NUDT5: variants seen among roughly 807,000 people sequenced by gnomAD.
The protein encoded by NUDT5 is ADP-sugar pyrophosphatase.
Under a neutral mutation model 34.1 loss-of-function variants are expected in NUDT5, and 21 were observed. The observed-to-expected ratio is 0.62, with a 90% confidence interval of 0.44 to 0.89. The LOEUF (loss-of-function observed/expected upper bound fraction) is 0.89. Among genes scored for constraint, NUDT5 ranks in the 40% least tolerant of loss-of-function variants. NUDT5 has a pLI of 0.00. For synonymous variants in NUDT5, 85 were observed against 97.6 expected (o/e 0.87, Z 0.76); for missense variants, 249 against 274.8 (o/e 0.91, Z 0.66).
At chr10:12,179,229 T>C in intron 3 of NUDT5, 97 bp from the exon 4 acceptor site, 4 of 904,488 alleles carry the variant, frequency 4.4e-6, no homozygotes, top group Non-Finnish European at 7.1e-6. Flanking sequence ...ATGCAATGCA[T>C]GCAAATGTAC....
chr10:12,192,042 T>C (rs781011776), intron 1 of NUDT5, among the ~76,000 whole-genome samples: 1 of 152,142 alleles, frequency 6.6e-6, no homozygotes, highest in East Asian at 1.9e-4. Flanking sequence ...TGATAAAAGA[T>C]GAATATTGTT....
Position 12,168,137 on chromosome 10 carries a change from G to A in NUDT5, c.551-326C>T, listed in dbSNP as rs1834753352. On this transcript the variant is annotated intron_variant, in intron 9 of 9. Transcript: ENST00000491614. The surrounding 1 kb of genome is among the most constrained non-coding windows in gnomAD (Gnocchi z 4.8). ...CCTCCTGGGTTTAAGCGATTCTCCT[G>A]CCTCAGCCTCCCCAGTAGCTGGGAC... 6.6e-6 allele frequency among the ~76,000 whole-genome samples: 1 copy of A among 151,586 alleles called. No individual in the cohort carries two copies. The highest frequency in any genetic ancestry group is 1.5e-5 in the Non-Finnish European group (1 of 67,964).
rs1834826588 is a variant in NUDT5, at chr10:12,170,220, C to T, written c.550+497G>A. The stretch of plus-strand genomic sequence containing the variant: ...CATGACCAGTGATTTCTAAGGGCCA[C>T]ACAGCTGGTTTGGTTTATTATGTGA... On this transcript the variant is annotated intron_variant, in intron 9 of 9. Transcript: ENST00000491614. This position sits in a 1 kb window ranked among gnomAD's most constrained non-coding sequence, Gnocchi z 4.9. 1 of 1,608,584 alleles carries T rather than the reference C, an allele frequency of 6.2e-7. No homozygotes were observed. The highest frequency in any genetic ancestry group is 8.5e-7 in the Non-Finnish European group (1 of 1,176,048).
intron 2 of NUDT5, 71 bp downstream of exon 2, chr10:12,186,158 A>T: frequency 8.8e-7 from 1 of 1,139,710 alleles, no homozygotes. Flanking sequence ...CATTGTAACA[A>T]CAGTCTATAT....
chr10:12,188,638 G>A (rs1835167394), intron 1 of NUDT5, among the ~76,000 whole-genome samples: 1 of 151,420 alleles, frequency 6.6e-6, no homozygotes, highest in South Asian at 2.1e-4. Flanking sequence ...GGCTGAGGGA[G>A]GAGAATGGCT....
chr10:12,195,028 G>GGC (rs1338263839), intron 1 of NUDT5, among the ~76,000 whole-genome samples: 2 of 152,066 alleles, frequency 1.3e-5, no homozygotes, highest in African/African-American at 2.4e-5. Context: ...CCGGCGTAGT[G>GGC]GCGCGCGCGC....
intron 6 of NUDT5, 112 bp from the exon 7 acceptor site, chr10:12,172,978 G>A (rs1026625005): frequency 2.5e-5 from 18 of 733,156 alleles, no homozygotes; most frequent in Non-Finnish European, 4.1e-5. Context: ...GGTGATGCGG[G>A]AAAACTAGTT....
At position 12,170,274 on chromosome 10, in the gene NUDT5, A is replaced by G. The variant is rs903059525; in HGVS notation, c.550+443T>C. 1.5e-6 allele frequency: 2 copies of G among 1,325,274 alleles called. No homozygotes were observed. The highest frequency in any genetic ancestry group is 2.9e-5 in the African/African-American group (2 of 69,280). The allele number at this position is 1,325,274 out of a possible 1,614,324, so 82.1% of individuals were successfully genotyped here. On this transcript the variant is annotated intron_variant, in intron 9 of 9. Coordinates refer to ENST00000491614, the MANE Select transcript of NUDT5 (RefSeq NM_014142.4). This position sits in a 1 kb window ranked among gnomAD's most constrained non-coding sequence, Gnocchi z 4.9. ...GCATATCACACGGAGTATACAGGAA[A>G]TACCTCAAGTATTTGTTGAAGGAGC...
At chr10:12,194,192 T>C (rs1229119456) in intron 1 of NUDT5, among the ~76,000 whole-genome samples, 1 of 152,248 alleles carries the variant, frequency 6.6e-6, no homozygotes, top group Non-Finnish European at 1.5e-5. Context: ...AAATGTTTCT[T>C]GGGCTGTTAA....
intron 9 of NUDT5, 143 bp from the exon 10 acceptor site, chr10:12,167,954 AG>A (rs1257812015): frequency 2.1e-6 from 3 of 1,397,268 alleles, no homozygotes; most frequent in Non-Finnish European, 2.8e-6. Flanking sequence ...TTGGTCTATA[AG>A]GATCTTAAAG....
chr10:12,186,741 C>T (rs1835137634), intron 1 of NUDT5, among the ~76,000 whole-genome samples: 1 of 151,636 alleles, frequency 6.6e-6, no homozygotes, highest in Admixed American at 6.6e-5. Flanking sequence ...GATCCTCGTG[C>T]CTCAGCCTCC....
At position 12,176,835 on chromosome 10, in the gene NUDT5, G is replaced by A. The variant is rs533352496; in HGVS notation, c.289+958C>T. Among the ~76,000 whole-genome samples, 308 of 152,114 alleles carry A rather than the reference G, an allele frequency of 2.0e-3. 1 individual carries two copies. Among genetic ancestry groups the A allele is most frequent in the Middle Eastern group, 6.8e-3 (2 of 294 alleles). On this transcript the variant is annotated intron_variant, in intron 5 of 9. Coordinates refer to ENST00000491614, the MANE Select transcript of NUDT5 (RefSeq NM_014142.4). ...CACATTTCTTGGAGTTAAGAGCCTGGCCTAGGCTGGGCGTGGTGGCTCACA... is the reference window on the plus strand; with the variant it reads ...CACATTTCTTGGAGTTAAGAGCCTGACCTAGGCTGGGCGTGGTGGCTCACA...
At chr10:12,177,269 C>T (rs1265088477) in intron 5 of NUDT5, among the ~76,000 whole-genome samples, 1 of 152,174 alleles carries the variant, frequency 6.6e-6, no homozygotes, top group African/African-American at 2.4e-5. Flanking sequence ...CCTGTAATCC[C>T]AGCACTTTGC....
At chr10:12,194,276 G>T (rs1835290811) in intron 1 of NUDT5, among the ~76,000 whole-genome samples, 1 of 152,214 alleles carries the variant, frequency 6.6e-6, no homozygotes, top group Admixed American at 6.5e-5. Context: ...ATCTTCATTA[G>T]AAAACATCTG....
In NUDT5 at chr10:12,169,431, C is replaced by A. The variant is rs895591381; in HGVS notation, c.550+1286G>T. 2.2e-5 allele frequency: 17 copies of A among 787,736 alleles called. No homozygotes were observed. The highest frequency in any genetic ancestry group is 3.2e-5 in the Non-Finnish European group (16 of 502,464). The allele number at this position is 787,736 out of a possible 1,614,324, so 48.8% of individuals were successfully genotyped here. On this transcript the variant is annotated intron_variant, in intron 9 of 9. Coordinates refer to ENST00000491614, the MANE Select transcript of NUDT5 (RefSeq NM_014142.4). This position sits in a 1 kb window ranked among gnomAD's most constrained non-coding sequence, Gnocchi z 4.8. Reference sequence around the variant, plus strand: ...ATTGTTCCTGTTTTATGAAAAAAGCCGAGAGAGGCTACAGAACCTGTTTGA... The same window carrying A: ...ATTGTTCCTGTTTTATGAAAAAAGCAGAGAGAGGCTACAGAACCTGTTTGA...
chr10:12,170,002 C>T lies in NUDT5; in HGVS notation c.550+715G>A, dbSNP rs1373927144. The stretch of plus-strand genomic sequence containing the variant: ...TAGATGAGTGAAAGGGATTTGCCAG[C>T]CCATACAGAGGTGCTCCTTGAAGGG... On this transcript the variant is annotated intron_variant, in intron 9 of 9. Coordinates refer to ENST00000491614, the MANE Select transcript of NUDT5 (RefSeq NM_014142.4). This position sits in a 1 kb window ranked among gnomAD's most constrained non-coding sequence, Gnocchi z 4.9. 1.1e-6 allele frequency: 1 copy of T among 936,408 alleles called. No homozygotes were observed. The highest frequency in any genetic ancestry group is 1.6e-5 in the African/African-American group (1 of 61,212). 58.0% of individuals were successfully genotyped at this position (936,408 alleles called of 1,614,324 possible).
intron 3 of NUDT5, among the ~76,000 whole-genome samples, 167 bp from the exon 4 acceptor site, chr10:12,179,299 G>A (rs1484734653): frequency 6.6e-6 from 1 of 152,202 alleles, no homozygotes; most frequent in Non-Finnish European, 1.5e-5. Context: ...AGCTAATTCT[G>A]CTTTCCTATA....
intron 5 of NUDT5, among the ~76,000 whole-genome samples, chr10:12,174,642 G>C (rs1588656229): frequency 6.6e-6 from 1 of 152,278 alleles, no homozygotes; most frequent in East Asian, 1.9e-4. Context: ...AGGTTCTGAA[G>C]GCATCATCCA....
chr10:12,172,658 G>T (rs1412335976), intron 7 of NUDT5, 107 bp downstream of exon 7: 2 of 722,142 alleles, frequency 2.8e-6, no homozygotes, highest in Non-Finnish European at 2.5e-6. Context: ...TTGAAAGACC[G>T]ATTCTTTCCA....
Sources: gnomAD v4.1 joint callset for allele counts (sites outside exome capture counted in the v4.1 genomes callset) on GRCh38, gnomAD v4.1.1 for gene constraint, Gnocchi (gnomAD v3.1) non-coding constraint, MANE v1.5 for transcripts, NCBI Gene and HGNC (gene_info 2026-07-23, HGNC 2026-07-21) for gene names.